The following LRBA variants were observed in gnomAD, a reference collection of about 807,000 sequenced individuals.
LRBA encodes LPS responsive beige-like anchor protein.
A neutral mutation model predicts 330.0 loss-of-function variants in LRBA; 176 were observed. The observed-to-expected ratio is 0.53, with a 90% CI of 0.47 to 0.60. LRBA has a LOEUF of 0.60. Among genes scored for constraint, LRBA ranks in the 20% least tolerant of loss-of-function variants. The probability of loss-of-function intolerance (pLI) is 0.00; values close to 1 mark genes in which losing one functional copy is unlikely to be tolerated. For synonymous variants in LRBA, 1,230 were observed against 1,193.0 expected, an observed-to-expected ratio of 1.03 and a Z score of -0.64; for missense variants, 3,259 against 3,444.8, an observed-to-expected ratio of 0.95 and a Z score of 1.35.
At chr4:150,579,362 T>C in intron 40 of LRBA, 1 of 400,254 alleles carries the variant, frequency 2.5e-6, no homozygotes, top group Admixed American at 2.9e-5. Flanking sequence ...CAGAGTGAGT[T>C]GGGGTGGGGG....
At chr4:150,371,452 A>C (rs1740307451) in intron 47 of LRBA, among the ~76,000 whole-genome samples, 1 of 152,022 alleles carries the variant, frequency 6.6e-6, no homozygotes, top group African/African-American at 2.4e-5. Context: ...CTCGGTCTCC[A>C]AAGTGTCAGA....
At chr4:150,318,624 C>G (rs1373255503) in intron 50 of LRBA, among the ~76,000 whole-genome samples, 1 of 152,084 alleles carries the variant, frequency 6.6e-6, no homozygotes, top group Non-Finnish European at 1.5e-5. Context: ...ATAATAAACG[C>G]TTAATATTCT....
At position 150,745,735 on chromosome 4, in the gene LRBA, C is replaced by T. The variant is rs377535282; in HGVS notation, c.5646-10369G>A. 2.0e-5 allele frequency among the ~76,000 whole-genome samples: 3 copies of T among 152,218 alleles called. 1 individual carries two copies. Among genetic ancestry groups the T allele is most frequent in the South Asian group, 4.2e-4 (2 of 4,818 alleles). ...TTCACTATGTTGGCCAGGATGTTCT[C>T]GATCTCCTGATCTCATGATCTGCCC... On this transcript the variant is annotated intron_variant, in intron 35 of 56. Transcript: ENST00000651943.
chr4:150,921,564 G>A (rs977671783), intron 4 of LRBA, among the ~76,000 whole-genome samples: 1 of 151,912 alleles, frequency 6.6e-6, no homozygotes, highest in Admixed American at 6.6e-5. Context: ...CAGCAAAAAT[G>A]ATCTTTTTTT....
chr4:150,537,069 G>A (rs1443894062), intron 40 of LRBA, among the ~76,000 whole-genome samples: 1 of 152,146 alleles, frequency 6.6e-6, no homozygotes, highest in African/African-American at 2.4e-5. Context: ...CACATTACCT[G>A]ACTTCAAACT....
chr4:150,982,055 G>A (rs563811789), intron 2 of LRBA, among the ~76,000 whole-genome samples: 86 of 150,998 alleles, frequency 5.7e-4, no homozygotes, highest in African/African-American at 2.1e-3. Flanking sequence ...TCTTACAATA[G>A]CATCTTATGG....
At chr4:150,547,145 C>T (rs1174933232) in intron 40 of LRBA, among the ~76,000 whole-genome samples, 1 of 151,980 alleles carries the variant, frequency 6.6e-6, no homozygotes, top group Non-Finnish European at 1.5e-5. Flanking sequence ...TTCTAAAATA[C>T]ATACATATAC....
intron 47 of LRBA, among the ~76,000 whole-genome samples, chr4:150,391,970 T>C (rs939906780): frequency 4.9e-5 from 3 of 60,894 alleles, no homozygotes; most frequent in Non-Finnish European, 1.2e-4. Flanking sequence ...TCTGTTACTC[T>C]TTAAAAAAAA....
At position 150,624,505 on chromosome 4, in the gene LRBA, A is replaced by G. The variant is rs142902842; in HGVS notation, c.5922-25374T>C. On this transcript the variant is annotated intron_variant, in intron 37 of 56. Coordinates refer to ENST00000651943, the MANE Select transcript of LRBA (RefSeq NM_001364905.1). Reference sequence around the variant, plus strand: ...GAATTCTATTCTCTCCCTTGTCACTATATGAACAGGAAAAACATATCAAAC... The same window carrying G: ...GAATTCTATTCTCTCCCTTGTCACTGTATGAACAGGAAAAACATATCAAAC... 3.9e-5 allele frequency among the ~76,000 whole-genome samples: 6 copies of G among 152,276 alleles called. No homozygotes were observed. The East Asian group carries it at 1.2e-3, about 29-fold the overall frequency.
intron 48 of LRBA, among the ~76,000 whole-genome samples, chr4:150,331,139 T>C (rs1733944821): frequency 6.6e-6 from 1 of 152,124 alleles, no homozygotes; most frequent in Non-Finnish European, 1.5e-5. Flanking sequence ...ATTCTTAAGG[T>C]CAAGTGAGAA....
chr4:150,656,706 A>C (rs749447596), intron 37 of LRBA, among the ~76,000 whole-genome samples: 8 of 152,220 alleles, frequency 5.3e-5, no homozygotes, highest in Non-Finnish European at 8.8e-5. Context: ...ATTGGGCACT[A>C]TAATATTATA....
At chr4:150,439,209 T>A (rs975824729) in intron 44 of LRBA, among the ~76,000 whole-genome samples, 1 of 152,214 alleles carries the variant, frequency 6.6e-6, no homozygotes, top group African/African-American at 2.4e-5. Flanking sequence ...TGAAGCATAA[T>A]AAGTATTCAC....
At chr4:150,899,350 T>C (rs1730472433) in intron 14 of LRBA, among the ~76,000 whole-genome samples, 1 of 152,124 alleles carries the variant, frequency 6.6e-6, no homozygotes, top group Admixed American at 6.6e-5. Context: ...ACAGAAGAAT[T>C]GGCAAGTGCA....
chr4:150,781,297 G>C (rs964898225), intron 34 of LRBA, among the ~76,000 whole-genome samples: 2 of 152,244 alleles, frequency 1.3e-5, no homozygotes, highest in South Asian at 2.1e-4. Context: ...AGTCCCATCT[G>C]GGGGTGATGG....
At chr4:150,799,053 A>C (rs1741205177) in intron 33 of LRBA, among the ~76,000 whole-genome samples, 1 of 151,952 alleles carries the variant, frequency 6.6e-6, no homozygotes, top group African/African-American at 2.4e-5. Flanking sequence ...TTGTCTTTTT[A>C]TTCTTTAGTT....
chr4:150,719,311 C>T (rs1422762668), intron 36 of LRBA, among the ~76,000 whole-genome samples: 1 of 151,936 alleles, frequency 6.6e-6, no homozygotes, highest in African/African-American at 2.4e-5. Context: ...CCCACCACCA[C>T]AATCACTAAA....
intron 47 of LRBA, among the ~76,000 whole-genome samples, chr4:150,399,222 T>A (rs893090766): frequency 1.3e-5 from 2 of 152,164 alleles, no homozygotes; most frequent in African/African-American, 4.8e-5. Flanking sequence ...TTTATGAATA[T>A]CACTATTGGA....
intron 34 of LRBA, among the ~76,000 whole-genome samples, chr4:150,777,701 C>G (rs1166125275): frequency 6.6e-6 from 1 of 152,034 alleles, no homozygotes; most frequent in Non-Finnish European, 1.5e-5. Flanking sequence ...CAAAACTGGC[C>G]AGGTGCAGTG....
Position 150,867,826 on chromosome 4 carries a change from G to A in LRBA, c.2611C>T (p.Leu871Phe), listed in dbSNP as rs1012307300. Residue 871 changes from leucine to phenylalanine, a missense_variant, in exon 22 of 57, where the codon CTT becomes TTT. Leu to Phe is a conservative substitution (Grantham distance 22, BLOSUM62 0). Transcript: ENST00000651943. ...TTAGGATTAAAATAGCAGAGAGAAA[G>A]CATCCATTCTTGCCACACAGAGCAT... is the stretch of plus-strand genomic sequence containing the variant. ...LQCSVWQEWM[L>F]SLCYFNPKNS... 2.5e-6 allele frequency: 4 copies of A among 1,613,282 alleles called. No homozygotes were observed. The African/African-American group carries it at 5.3e-5, about 22-fold the overall frequency.
Sources: allele counts gnomAD v4.1 joint callset (sites outside exome capture counted in the v4.1 genomes callset), GRCh38; gene constraint gnomAD v4.1.1; transcripts MANE v1.5; gene names NCBI Gene and HGNC (gene_info 2026-07-23, HGNC 2026-07-21).